Variants in CD200R1 observed in about 807,000 individuals in gnomAD.
CD200R1 encodes CD200 receptor 1.
CD200R1 carries 30 observed loss-of-function variants against 38.1 expected under a neutral mutation model. The ratio of observed to expected loss-of-function variants is 0.79; its 90% CI spans 0.59 to 1.07. The LOEUF (loss-of-function observed/expected upper bound fraction) is 1.07. Among genes scored for constraint, CD200R1 ranks in the 50% least tolerant of loss-of-function variants. CD200R1 has a pLI of 0.00. For synonymous variants in CD200R1, 128 were observed against 152.1 expected, an observed-to-expected ratio of 0.84 and a Z score of 1.16; for missense variants, 372 against 415.4, an observed-to-expected ratio of 0.90 and a Z score of 0.91.
At chr3:112,943,791 T>C (rs1225079108) in intron 2 of CD200R1, among the ~76,000 whole-genome samples, 1 of 151,720 alleles carries the variant, frequency 6.6e-6, no homozygotes, top group Non-Finnish European at 1.5e-5. Context: ...ACAGATGCCA[T>C]TTACATTAAA....
rs1318806630 is a variant in CD200R1, at chr3:112,923,643, T to C, written c.*34A>G. 3.9e-6 allele frequency: 4 copies of C among 1,013,244 alleles called. No individual in the cohort carries two copies. Among genetic ancestry groups the C allele is most frequent in the Admixed American group, 1.9e-5 (1 of 51,960 alleles). 62.8% of individuals were successfully genotyped at this position (1,013,244 alleles called of 1,614,324 possible). A position where few individuals can be genotyped will look rare whatever the true frequency, so the allele number is the denominator to read the frequency against. ...AGACAGTAATTATAATGTATCTCGT[T>C]TGTTGTTGTTTCTTGGTACTAGAGT... On this transcript the variant is annotated 3_prime_UTR_variant, in exon 8 of 8. Transcript: ENST00000308611.
At chr3:112,960,150 G>A (rs1381480623) in intron 1 of CD200R1, among the ~76,000 whole-genome samples, 3 of 152,014 alleles carry the variant, frequency 2.0e-5, no homozygotes, top group Non-Finnish European at 2.9e-5. Context: ...GGCTGACAGA[G>A]CAACTTTTCT....
intron 2 of CD200R1, among the ~76,000 whole-genome samples, chr3:112,935,804 T>A (rs1940563316): frequency 6.6e-6 from 1 of 152,188 alleles, no homozygotes; most frequent in South Asian, 2.1e-4. Flanking sequence ...CTGTTTGCAA[T>A]ATTTTAACTT....
At chr3:112,946,032 C>CAAAAAAAA (rs1208921538) in intron 2 of CD200R1, among the ~76,000 whole-genome samples, 1 of 71,818 alleles carries the variant, frequency 1.4e-5, no homozygotes, top group Admixed American at 1.7e-4. Flanking sequence ...GACTCCGTCT[C>CAAAAAAAA]AAAAAAAAAA....
At position 112,929,210 on chromosome 3, in the gene CD200R1, C is replaced by T; in HGVS notation, c.500G>A (p.Gly167Glu). ...MVTPDGNFHR[G>E]YHLQVLVTPE... ...CTTACCTAACACTTGGAGGTGATAT[C>T]CACGATGGAAATTCCCATCAGGTGT... is the stretch of plus-strand genomic sequence containing the variant. The change falls in exon 4 of 8, where the codon GGA becomes GAA. Residue 167 changes from glycine (G) to glutamate (E), a missense_variant. Physicochemically the swap from Gly to Glu is moderately conservative, Grantham distance 98. Transcript: ENST00000308611. 17 of 1,614,132 alleles carry T rather than the reference C, an allele frequency of 1.1e-5. No individual in the cohort carries two copies. The highest frequency in any genetic ancestry group is 1.4e-5 in the Non-Finnish European group (17 of 1,180,006).
At chr3:112,945,935 A>T (rs977516133) in intron 2 of CD200R1, among the ~76,000 whole-genome samples, 1 of 148,664 alleles carries the variant, frequency 6.7e-6, no homozygotes, top group Non-Finnish European at 1.5e-5. Context: ...CCGGAGGCTG[A>T]GGCAGAAGAA....
chr3:112,960,512 C>T (rs993311565), intron 1 of CD200R1, among the ~76,000 whole-genome samples: 13 of 151,900 alleles, frequency 8.6e-5, no homozygotes, highest in African/African-American at 3.1e-4. Flanking sequence ...CAAATACAAA[C>T]TTAAACATGG....
intron 2 of CD200R1, among the ~76,000 whole-genome samples, chr3:112,940,086 T>C (rs1216158931): frequency 6.6e-6 from 1 of 152,008 alleles, no homozygotes; most frequent in East Asian, 1.9e-4. Context: ...CCTTCTTTAA[T>C]AAATGGCGCT....
intron 1 of CD200R1, among the ~76,000 whole-genome samples, chr3:112,956,594 C>T (rs1941105821): frequency 6.6e-6 from 1 of 152,110 alleles, no homozygotes; most frequent in Non-Finnish European, 1.5e-5. Context: ...ATCCTTGTGG[C>T]CATGCTCAAT....
At chr3:112,974,623 A>G (rs1202797571) in intron 1 of CD200R1, among the ~76,000 whole-genome samples, 168 bp downstream of exon 1, 1 of 152,186 alleles carries the variant, frequency 6.6e-6, no homozygotes, top group Admixed American at 6.5e-5. Context: ...AGACACCGGA[A>G]AAAAGGATAA....
At position 112,974,854 on chromosome 3, in the gene CD200R1, G is replaced by A. The variant is rs944362980; in HGVS notation, c.4C>T (p.Leu2Phe). The change falls in exon 1 of 8, where the codon CTC (leucine) becomes TTC (phenylalanine). Residue 2 changes from leucine (L) to phenylalanine (F), a missense_variant. Leu to Phe is a conservative substitution (Grantham distance 22, BLOSUM62 0). Transcript: ENST00000308611. ...AGGTTAGCAGTTCTCCAAGGGCAGAGCATTTCTGTTTTCTCTTTTTCTGCC... is the reference window on the plus strand; with the variant it reads ...AGGTTAGCAGTTCTCCAAGGGCAGAACATTTCTGTTTTCTCTTTTTCTGCC... M[L>F]CPWRTANLGL... is the part of the protein sequence containing the mutation. The A allele has an allele frequency of 6.2e-7, 1 of 1,612,846 alleles. No individual in the cohort carries two copies. The highest frequency in any genetic ancestry group is 1.3e-5 in the African/African-American group (1 of 74,982).
At chr3:112,927,232 T>C (rs1435481993) in intron 5 of CD200R1, among the ~76,000 whole-genome samples, 2 of 152,082 alleles carry the variant, frequency 1.3e-5, no homozygotes, top group African/African-American at 4.8e-5. Context: ...TTCTCAACAG[T>C]GGCACACTCA....
intron 1 of CD200R1, among the ~76,000 whole-genome samples, chr3:112,957,141 T>C (rs1266379414): frequency 6.6e-6 from 1 of 152,190 alleles, no homozygotes; most frequent in African/African-American, 2.4e-5. Context: ...TAGAATGGGG[T>C]AAGAGGTGAC....
intron 2 of CD200R1, among the ~76,000 whole-genome samples, chr3:112,943,742 C>G (rs987432994): frequency 5.9e-5 from 9 of 151,696 alleles, no homozygotes; most frequent in Admixed American, 5.9e-4. Flanking sequence ...AGAGAAGATA[C>G]AAGTTGCTAA....
At chr3:112,970,883 T>C (rs1360050436) in intron 1 of CD200R1, among the ~76,000 whole-genome samples, 2 of 152,204 alleles carry the variant, frequency 1.3e-5, no homozygotes, top group African/African-American at 4.8e-5. Flanking sequence ...TACTCCACTT[T>C]GGCTCCCTTC....
rs961799976 is a variant in CD200R1 at position 112,922,658 on chromosome 3, T to C, written c.*1019A>G. The C allele has an allele frequency of 1.3e-5, 2 of 152,000 alleles. No homozygotes were observed. Among genetic ancestry groups the C allele is most frequent in the Non-Finnish European group, 2.9e-5 (2 of 67,934 alleles). The allele number at this position is 152,000 out of a possible 1,614,324, so 9.4% of individuals were successfully genotyped here. On this transcript the variant is annotated 3_prime_UTR_variant, in exon 8 of 8. Coordinates refer to ENST00000308611, the MANE Select transcript of CD200R1 (RefSeq NM_138806.4). ...CAGAAGAAGCTAATGTTCTCACACG[T>C]GCATTCACTCTCTTACAAACATGAC...
In CD200R1 at chr3:112,929,005, C is replaced by A. The variant is rs1940349793; in HGVS notation, c.580G>T (p.Ala194Ser). Reference sequence around the variant, plus strand: ...GAGATATGCGCAGCTGGCTTCCCTGCAACTGCCTTGCATACTGCAGTTCTA... The same window carrying A: ...GAGATATGCGCAGCTGGCTTCCCTGAAACTGCCTTGCATACTGCAGTTCTA... ...RNRTAVCKAV[A>S]GKPAAHISWI... The change falls in exon 5 of 8, where the codon GCA (alanine) becomes TCA (serine). Residue 194 changes from alanine to serine, a missense_variant. Coordinates refer to ENST00000308611, the MANE Select transcript of CD200R1 (RefSeq NM_138806.4). The A allele has an allele frequency of 6.2e-7, 1 of 1,613,956 alleles. No individual in the cohort carries two copies. The highest frequency in any genetic ancestry group is 2.2e-5 in the East Asian group (1 of 44,864).
chr3:112,947,695 T>C (rs1392786), intron 2 of CD200R1, among the ~76,000 whole-genome samples, 161 bp downstream of exon 2: 93,026 of 152,062 alleles, frequency 0.61, 28,806 homozygotes, highest in African/African-American at 0.71. Flanking sequence ...TAAATAAGCA[T>C]AGAAATAATT....
At chr3:112,940,231 C>A (rs9823363) in intron 2 of CD200R1, among the ~76,000 whole-genome samples, 90,888 of 151,642 alleles carry the variant, frequency 0.6, 27,650 homozygotes, top group African/African-American at 0.71. Context: ...AAGAAAACAC[C>A]GATGAAATAC....
Sources: gnomAD v4.1 joint callset for allele counts (sites outside exome capture counted in the v4.1 genomes callset) on GRCh38, gnomAD v4.1.1 for gene constraint, MANE v1.5 for transcripts, NCBI Gene and HGNC (gene_info 2026-07-23, HGNC 2026-07-21) for gene names.